UBE2K: variants seen among roughly 807,000 people sequenced by gnomAD.
UBE2K encodes the protein ubiquitin-conjugating enzyme E2 K.
In UBE2K, 6 loss-of-function variants were observed where a neutral mutation model predicts 30.0. The ratio of observed to expected loss-of-function variants is 0.20; its 90% CI spans 0.11 to 0.39. The LOEUF (loss-of-function observed/expected upper bound fraction) is 0.39, where lower values mean the gene tolerates loss of function less well. Ranked by LOEUF, UBE2K falls within the 10% of genes least tolerant of loss-of-function variation. The probability of loss-of-function intolerance (pLI) is 1.00; values close to 1 mark genes in which losing one functional copy is unlikely to be tolerated. For synonymous variants in UBE2K, 86 were observed against 83.7 expected (o/e 1.03, Z -0.15); for missense variants, 61 against 241.6 (o/e 0.25, Z 4.96).
intron 1 of UBE2K, among the ~76,000 whole-genome samples, chr4:39,720,008 C>T (rs543070360): frequency 6.6e-6 from 1 of 152,306 alleles, no homozygotes; most frequent in South Asian, 2.1e-4. Context: ...GAATGTGAGT[C>T]ATTGAAAGCA....
At chr4:39,726,553 T>TA (rs1361748229) in intron 1 of UBE2K, among the ~76,000 whole-genome samples, 27 of 14,320 alleles carry the variant, frequency 1.9e-3, no homozygotes, top group Admixed American at 0.01. Flanking sequence ...AACATGTGGC[T>TA]AGTTTGTCTG....
At chr4:39,756,350 T>A (rs1385962820) in intron 4 of UBE2K, among the ~76,000 whole-genome samples, 1 of 152,246 alleles carries the variant, frequency 6.6e-6, no homozygotes, top group Non-Finnish European at 1.5e-5. Flanking sequence ...TCTGTGTGCC[T>A]TAGTGTCCTC....
At chr4:39,720,121 T>C (rs1027325414) in intron 1 of UBE2K, among the ~76,000 whole-genome samples, 1 of 152,206 alleles carries the variant, frequency 6.6e-6, no homozygotes, top group Non-Finnish European at 1.5e-5. Flanking sequence ...ATTCCTAAGC[T>C]CTAGAGAGCT....
At chr4:39,762,391 T>A (rs418876) in intron 4 of UBE2K, among the ~76,000 whole-genome samples, 44,942 of 151,516 alleles carry the variant, frequency 0.3, 8,410 homozygotes, top group African/African-American at 0.54. Context: ...AAAATAGGTG[T>A]GGTAGGCTGT....
At chr4:39,719,122 T>C (rs1357114301) in intron 1 of UBE2K, among the ~76,000 whole-genome samples, 2 of 152,256 alleles carry the variant, frequency 1.3e-5, no homozygotes, top group African/African-American at 4.8e-5. Context: ...CACACTTGCA[T>C]TCCTACACAT....
At chr4:39,770,589 C>T (rs1229567261) in intron 4 of UBE2K, 19 of 1,581,998 alleles carry the variant, frequency 1.2e-5, no homozygotes, top group African/African-American at 2.7e-5. Flanking sequence ...CACGCTGGCC[C>T]GGCCTCCCGG....
Position 39,770,114 on chromosome 4 carries a change from G to A in UBE2K, c.300-4720G>A. 5.1e-6 allele frequency: 8 copies of A among 1,583,102 alleles called. No homozygotes were observed. The South Asian group carries it at 8.9e-5, about 18-fold the overall frequency. Reference sequence around the variant, plus strand: ...TGAGGACATTAATCTCGGCCACACTGGTCTCCAGCACGTTCTCGGCGGTGG... The same window carrying A: ...TGAGGACATTAATCTCGGCCACACTAGTCTCCAGCACGTTCTCGGCGGTGG... On this transcript the variant is annotated intron_variant, in intron 4 of 6. Transcript: ENST00000261427.
At chr4:39,717,148 A>T (rs888139111) in intron 1 of UBE2K, among the ~76,000 whole-genome samples, 1 of 151,750 alleles carries the variant, frequency 6.6e-6, no homozygotes, top group Non-Finnish European at 1.5e-5. Flanking sequence ...CAGAGCCAAG[A>T]CCCTGTCTTT....
intron 4 of UBE2K, among the ~76,000 whole-genome samples, chr4:39,760,204 A>C (rs1157632048): frequency 1.3e-5 from 2 of 151,536 alleles, no homozygotes; most frequent in African/African-American, 2.4e-5. Flanking sequence ...AGAAAAAAAA[A>C]AAAAAACAAA....
intron 4 of UBE2K, among the ~76,000 whole-genome samples, chr4:39,769,733 TTA>T (rs1712629426): frequency 7.7e-6 from 1 of 129,806 alleles, no homozygotes; most frequent in South Asian, 2.7e-4. Context: ...CTGGGCAGGC[TTA>T]GCCAGGAATA....
intron 4 of UBE2K, among the ~76,000 whole-genome samples, chr4:39,772,421 T>C (rs1712951705): frequency 6.8e-6 from 1 of 146,856 alleles, no homozygotes; most frequent in Non-Finnish European, 1.5e-5. Flanking sequence ...AAAAATTGTT[T>C]TTAATTAGCT....
chr4:39,738,613 C>G (rs984534707), intron 2 of UBE2K, among the ~76,000 whole-genome samples: 2 of 152,154 alleles, frequency 1.3e-5, no homozygotes, highest in Non-Finnish European at 2.9e-5. Context: ...TCCTCAGTAG[C>G]TAGTACTACA....
intron 1 of UBE2K, among the ~76,000 whole-genome samples, chr4:39,732,617 A>G (rs1353865131): frequency 1.3e-5 from 2 of 148,782 alleles, no homozygotes; most frequent in African/African-American, 5.0e-5. Context: ...TGCTTCATGT[A>G]TATCTTAATA....
At chr4:39,712,358 C>T (rs1718748509) in intron 1 of UBE2K, among the ~76,000 whole-genome samples, 1 of 130,338 alleles carries the variant, frequency 7.7e-6, no homozygotes, top group East Asian at 2.3e-4. Flanking sequence ...CCCGCCACTG[C>T]GCCCGGCCAA....
intron 1 of UBE2K, chr4:39,714,589 CA>C (rs1325427273): frequency 9.2e-6 from 1 of 108,162 alleles, no homozygotes; most frequent in Non-Finnish European, 1.7e-5. Flanking sequence ...TCTCTGTTGC[CA>C]GGCTGGAATG....
At chr4:39,755,866 C>A in intron 4 of UBE2K, 127 bp downstream of exon 4, 1 of 612,816 alleles carries the variant, frequency 1.6e-6, no homozygotes, top group Non-Finnish European at 2.8e-6. Context: ...CTTTAAAAGT[C>A]TCTTAAGTGC....
At chr4:39,699,205 A>G (rs544908408) in intron 1 of UBE2K, among the ~76,000 whole-genome samples, 8 of 152,214 alleles carry the variant, frequency 5.3e-5, no homozygotes, top group Non-Finnish European at 8.8e-5. Context: ...ATTTCAAAAT[A>G]TTGTTTACAA....
chr4:39,747,841 G>A (rs567012373), intron 3 of UBE2K, among the ~76,000 whole-genome samples: 16 of 148,064 alleles, frequency 1.1e-4, no homozygotes, highest in Admixed American at 4.8e-4. Context: ...TCGCTCTGCC[G>A]CCCAGGCTGG....
chr4:39,727,965 A>G lies in UBE2K; in HGVS notation c.64-9455A>G, dbSNP rs1560352115. On this transcript the variant is annotated intron_variant, in intron 1 of 6. Coordinates refer to ENST00000261427, the MANE Select transcript of UBE2K (RefSeq NM_005339.5). ...GCCAATGTGGTGAAACCCTGTGTCTACTAAAAAATATGTAAGAAATTAGCC... is the reference window on the plus strand; with the variant it reads ...GCCAATGTGGTGAAACCCTGTGTCTGCTAAAAAATATGTAAGAAATTAGCC... Among the ~76,000 whole-genome samples, 3 of 152,008 alleles carry G rather than the reference A, an allele frequency of 2.0e-5. No homozygotes were observed. In the South Asian group the frequency reaches 6.2e-4, roughly 32 times the overall value.
Sources: gnomAD v4.1 joint callset for allele counts (sites outside exome capture counted in the v4.1 genomes callset) on GRCh38, gnomAD v4.1.1 for gene constraint, MANE v1.5 for transcripts, NCBI Gene and HGNC (gene_info 2026-07-23, HGNC 2026-07-21) for gene names.